The following SARDH variants were observed in gnomAD, a reference collection of about 807,000 sequenced individuals.
The protein encoded by SARDH is sarcosine dehydrogenase, mitochondrial.
A neutral mutation model predicts 109.1 loss-of-function variants in SARDH; 95 were observed. The ratio of observed to expected loss-of-function variants is 0.87; its 90% CI spans 0.74 to 1.03. The LOEUF (loss-of-function observed/expected upper bound fraction) is 1.03, where lower values mean the gene tolerates loss of function less well. SARDH is among the 50% of genes least tolerant of loss of function. SARDH has a pLI of 0.00. For missense variants in SARDH, 1,267 were observed against 1,287.8 expected (o/e 0.98, Z 0.25); for synonymous variants, 572 against 534.8 (o/e 1.07, Z -0.96).
At chr9:133,732,916 G>T (rs903589579) in intron 2 of SARDH, among the ~76,000 whole-genome samples, 2 of 152,190 alleles carry the variant, frequency 1.3e-5, no homozygotes, top group Non-Finnish European at 2.9e-5. Context: ...TTCTCTTATA[G>T]ATCAAGTTCA....
intron 19 of SARDH, among the ~76,000 whole-genome samples, chr9:133,669,792 C>T (rs913988870): frequency 6.6e-6 from 1 of 152,244 alleles, no homozygotes; most frequent in African/African-American, 2.4e-5. Flanking sequence ...CCCCCTATCA[C>T]AGGGCTGTGG....
intron 17 of SARDH, among the ~76,000 whole-genome samples, chr9:133,677,554 G>A (rs994666265): frequency 1.2e-4 from 18 of 152,190 alleles, no homozygotes; most frequent in Admixed American, 1.1e-3. Flanking sequence ...GGCTACAGGG[G>A]ACCTCTCCAC....
chr9:133,735,641 T>C (rs750029198), intron 1 of SARDH, among the ~76,000 whole-genome samples: 3 of 152,216 alleles, frequency 2.0e-5, no homozygotes, highest in African/African-American at 4.8e-5. Context: ...CTGTCTGCAG[T>C]AGGGCCTTTC....
rs138021990 is a variant in SARDH, at chr9:133,725,552, T to G, written c.915+4213A>C. The G allele has an allele frequency of 2.1e-3, 898 of 433,844 alleles. 5 individuals carry two copies. The highest frequency in any genetic ancestry group is 5.7e-3 in the Middle Eastern group (10 of 1,760). The allele number at this position is 433,844 out of a possible 1,614,324, so 26.9% of individuals were successfully genotyped here. ...TCAGCCGGGTGTGGTGACGGGCACA[T>G]TTAATCCCAGCTACATGGGAGGCTG... On this transcript the variant is annotated intron_variant, in intron 6 of 20. Transcript: ENST00000439388.
intron 14 of SARDH, among the ~76,000 whole-genome samples, chr9:133,694,651 G>T (rs976085485): frequency 6.6e-6 from 1 of 152,208 alleles, no homozygotes; most frequent in African/African-American, 2.4e-5. Context: ...CTTGGCACTG[G>T]CCCCTCCCAC....
intron 16 of SARDH, 21 bp downstream of exon 16, chr9:133,690,359 G>A (rs370384167): frequency 1.3e-4 from 214 of 1,597,498 alleles, no homozygotes; most frequent in African/African-American, 5.3e-4. Flanking sequence ...ACCCAGGGGC[G>A]GGCTCCCAGT....
intron 19 of SARDH, chr9:133,667,081 G>A (rs1018667219): frequency 9.7e-6 from 6 of 617,642 alleles, no homozygotes; most frequent in Admixed American, 2.8e-5. Flanking sequence ...TGAGTAAAAG[G>A]GATGAATAGA....
intron 8 of SARDH, among the ~76,000 whole-genome samples, chr9:133,716,767 C>A (rs1832138706): frequency 6.6e-6 from 1 of 152,184 alleles, no homozygotes. Context: ...AAGAACCTTC[C>A]CCCGCTGAGC....
intron 6 of SARDH, 97 bp downstream of exon 6, chr9:133,729,667 AC>A: frequency 2.0e-6 from 2 of 981,040 alleles, no homozygotes. Context: ...CAGTGAGGGG[AC>A]CCACAAGGGT....
rs762340742 is a variant in SARDH, at chr9:133,670,562, C to T, written c.2495+22G>A. The T allele has an allele frequency of 3.7e-5, 58 of 1,559,354 alleles. No individual in the cohort carries two copies. In the African/African-American group the frequency reaches 6.9e-4, roughly 19 times the overall value. ...CTGTAGGCAGTTGCTTCCGGGTGGGCGTGGAACAGCGGGATACTCACTCCT... is the reference window on the plus strand; with the variant it reads ...CTGTAGGCAGTTGCTTCCGGGTGGGTGTGGAACAGCGGGATACTCACTCCT... On this transcript the variant is annotated intron_variant, in intron 19 of 20. Coordinates refer to ENST00000439388, the MANE Select transcript of SARDH (RefSeq NM_001134707.2).
In SARDH at chr9:133,692,811, G is replaced by A. The variant is rs977519144; in HGVS notation, c.1921+1447C>T. 3.9e-5 allele frequency among the ~76,000 whole-genome samples: 6 copies of A among 152,258 alleles called. No homozygotes were observed. Among genetic ancestry groups the A allele is most frequent in the South Asian group, 2.1e-4 (1 of 4,822 alleles). On this transcript the variant is annotated intron_variant, in intron 15 of 20. Transcript: ENST00000439388. This position sits in a 1 kb window ranked among gnomAD's most constrained non-coding sequence, Gnocchi z 5.0. ...ACGAGCTCATGGATCCATGAGGCACGAGCGCTGTGGCTCAGCCCATGGCTC... is the reference window on the plus strand; with the variant it reads ...ACGAGCTCATGGATCCATGAGGCACAAGCGCTGTGGCTCAGCCCATGGCTC...
Position 133,702,922 on chromosome 9 carries a change from G to A in SARDH, c.1662C>T (p.His554=), listed in dbSNP as rs891159195. ...DEYTFAFPPH[H]DTIKKECLAC... ...GTGGACCCCAGCTACGCACCGTGTC[G>A]TGGTGGGGCGGGAAGGCGAAGGTGT... is the stretch of plus-strand genomic sequence containing the variant. Residue 554 remains histidine (H), a synonymous_variant, in exon 13 of 21, where the codon CAC becomes CAT. Transcript: ENST00000439388. 2.5e-6 allele frequency: 4 copies of A among 1,611,758 alleles called. No homozygotes were observed. Among genetic ancestry groups the A allele is most frequent in the South Asian group, 1.1e-5 (1 of 91,018 alleles).
At chr9:133,691,941 C>T (rs1225953227) in intron 15 of SARDH, among the ~76,000 whole-genome samples, 3 of 152,160 alleles carry the variant, frequency 2.0e-5, no homozygotes, top group East Asian at 1.9e-4. Context: ...CCAGCACCGC[C>T]GATCCCCAGC....
chr9:133,667,173 T>C, intron 19 of SARDH: 1 of 548,332 alleles, frequency 1.8e-6, no homozygotes, highest in Non-Finnish European at 3.2e-6. Flanking sequence ...TCCGATTTCC[T>C]TCCATTGTTG....
At chr9:133,665,730 C>T (rs532895506) in intron 20 of SARDH, among the ~76,000 whole-genome samples, 2 of 152,342 alleles carry the variant, frequency 1.3e-5, no homozygotes, top group South Asian at 2.1e-4. Flanking sequence ...ATTGGGCCTG[C>T]GAGCTGGGCC....
intron 17 of SARDH, 130 bp downstream of exon 17, chr9:133,685,063 A>T (rs1310269724): frequency 1.4e-6 from 1 of 695,642 alleles, no homozygotes. Flanking sequence ...TCCCCCCTTC[A>T]CAGTTGGGGA....
chr9:133,707,473 C>T (rs1042679647), intron 11 of SARDH, among the ~76,000 whole-genome samples: 1 of 152,166 alleles, frequency 6.6e-6, no homozygotes, highest in African/African-American at 2.4e-5. Flanking sequence ...CTGGGCCTCT[C>T]CCCAGGAGGT....
rs182088220 is a variant in SARDH, at chr9:133,669,662, G to A, written c.2495+922C>T. Among the ~76,000 whole-genome samples, 355 of 152,248 alleles carry A rather than the reference G, an allele frequency of 2.3e-3. 1 individual carries two copies. The highest frequency in any genetic ancestry group is 4.4e-3 in the Admixed American group (68 of 15,306). On this transcript the variant is annotated intron_variant, in intron 19 of 20. Coordinates refer to ENST00000439388, the MANE Select transcript of SARDH (RefSeq NM_001134707.2). ...AGTGGGGAGAGCAGGAGGTCAGGTC[G>A]CCCCCAGGCAGAGTCTCTCCTTCCA...
chr9:133,713,609 G>A (rs1368102584), intron 8 of SARDH, among the ~76,000 whole-genome samples: 1 of 152,210 alleles, frequency 6.6e-6, no homozygotes, highest in African/African-American at 2.4e-5. Flanking sequence ...AATGTCTGTT[G>A]AGCCAACAAA....
Sources: gnomAD v4.1 joint callset for allele counts (sites outside exome capture counted in the v4.1 genomes callset) on GRCh38, gnomAD v4.1.1 for gene constraint, Gnocchi (gnomAD v3.1) non-coding constraint, MANE v1.5 for transcripts, NCBI Gene and HGNC (gene_info 2026-07-23, HGNC 2026-07-21) for gene names.